CFAP96: variants seen among roughly 807,000 people sequenced by gnomAD.
CFAP96 encodes the protein cilia and flagella associated protein 96, also known as cilia-and flagella-associated protein 96.
At chr4:185,430,209 C>T in the CFAP96 span, among the ~76,000 whole-genome samples, 1 of 152,066 alleles carries the variant, frequency 6.6e-6, no homozygotes, top group African/African-American at 2.4e-5. Context: ...GGGATTTTTA[C>T]AAAAGTCATA....
At chr4:185,416,535 G>T in the CFAP96 span, among the ~76,000 whole-genome samples, 1 of 152,184 alleles carries the variant, frequency 6.6e-6, no homozygotes, top group South Asian at 2.1e-4. Context: ...CTGGGAAAAG[G>T]TCAAGCACTC....
the CFAP96 span, among the ~76,000 whole-genome samples, chr4:185,445,708 T>C: frequency 2.0e-5 from 3 of 152,228 alleles, no homozygotes; most frequent in Admixed American, 2.0e-4. Context: ...AGTTATTCTG[T>C]GTCTAAAGGA....
the CFAP96 span, chr4:185,445,367 G>A: frequency 2.6e-6 from 2 of 777,726 alleles, no homozygotes; most frequent in East Asian, 5.0e-5. Flanking sequence ...ACCATTCTGT[G>A]CATAATTTTT....
At chr4:185,443,921 CTTTTTTTTTTTTTTTTTTTTTTTTT>C in the CFAP96 span, among the ~76,000 whole-genome samples, 226 of 82,840 alleles carry the variant, frequency 2.7e-3, 6 homozygotes, top group Admixed American at 0.017. Context: ...CTATATCTTT[CTTTTTTTTTTTTTTTTTTTTTTTTT>C]TTTTTTTTTT....
chr4:185,438,579 T>C, the CFAP96 span, among the ~76,000 whole-genome samples: 3 of 152,154 alleles, frequency 2.0e-5, no homozygotes, highest in Non-Finnish European at 4.4e-5. Context: ...AGTATGGGGG[T>C]CATATTTTGC....
the CFAP96 span, among the ~76,000 whole-genome samples, chr4:185,434,499 A>T: frequency 6.6e-6 from 1 of 152,108 alleles, no homozygotes; most frequent in African/African-American, 2.4e-5. Flanking sequence ...ATAATTGGAA[A>T]TTGCTACCTT....
chr4:185,445,980 T>G, the CFAP96 span, among the ~76,000 whole-genome samples: 1 of 152,170 alleles, frequency 6.6e-6, no homozygotes, highest in Admixed American at 6.5e-5. Context: ...TAGCTGGGAT[T>G]ACAGGCATGC....
chr4:185,413,683 A>T, the CFAP96 span: 1 of 1,562,974 alleles, frequency 6.4e-7, no homozygotes, highest in South Asian at 1.2e-5. Context: ...AACTAATAAC[A>T]TTACTGATCC....
At chr4:185,433,094 C>A in the CFAP96 span, among the ~76,000 whole-genome samples, 1 of 152,098 alleles carries the variant, frequency 6.6e-6, no homozygotes, top group Admixed American at 6.5e-5. Flanking sequence ...AAGATATACT[C>A]ATGAGGTTTA....
the CFAP96 span, chr4:185,408,523 T>C: frequency 7.5e-7 from 1 of 1,336,048 alleles, no homozygotes; most frequent in Non-Finnish European, 1.0e-6. Flanking sequence ...TTTAATGTTC[T>C]TAGAGTTAGA....
chr4:185,413,973 G>C, the CFAP96 span: 1 of 1,069,220 alleles, frequency 9.4e-7, no homozygotes, highest in Non-Finnish European at 1.3e-6. Flanking sequence ...TTATATATAG[G>C]TTATAAAAGT....
At chr4:185,443,342 A>ATTTTTTTTTTT in the CFAP96 span, among the ~76,000 whole-genome samples, 7 of 26,726 alleles carry the variant, frequency 2.6e-4, no homozygotes, top group African/African-American at 8.1e-4. Flanking sequence ...ATATATATAT[A>ATTTTTTTTTTT]TTTTTTTTTT....
chr4:185,408,471 TTAGGA>T, the CFAP96 span: 41 of 1,595,442 alleles, frequency 2.6e-5, no homozygotes, highest in Middle Eastern at 3.3e-4. Flanking sequence ...AAATATTAAC[TTAGGA>T]TAGAAGTACA....
At chr4:185,430,408 C>T in the CFAP96 span, among the ~76,000 whole-genome samples, 1 of 152,056 alleles carries the variant, frequency 6.6e-6, no homozygotes, top group Admixed American at 6.6e-5. Context: ...CAATGTGATT[C>T]TTCTGAGACA....
the CFAP96 span, chr4:185,415,804 T>C: frequency 1.9e-6 from 3 of 1,613,836 alleles, no homozygotes; most frequent in Non-Finnish European, 2.5e-6. Context: ...CTTTCAATGA[T>C]GGGCGTTACA....
At chr4:185,430,708 G>A in the CFAP96 span, among the ~76,000 whole-genome samples, 1 of 151,518 alleles carries the variant, frequency 6.6e-6, no homozygotes, top group East Asian at 1.9e-4. Context: ...TTCAAGACAA[G>A]CCTGGACAAC....
chr4:185,409,487 G>A, the CFAP96 span, among the ~76,000 whole-genome samples: 5 of 152,132 alleles, frequency 3.3e-5, no homozygotes, highest in South Asian at 6.2e-4. Context: ...ACCATGCCTG[G>A]CTCCAAACTG....
At chr4:185,422,372 A>G in the CFAP96 span, 2 of 797,562 alleles carry the variant, frequency 2.5e-6, no homozygotes, top group Non-Finnish European at 4.1e-6. Context: ...CTTACTAACA[A>G]TATAATCTTA....
the CFAP96 span, among the ~76,000 whole-genome samples, chr4:185,448,241 G>T: frequency 6.6e-6 from 1 of 152,036 alleles, no homozygotes; most frequent in African/African-American, 2.4e-5. Flanking sequence ...GGCTGGTCTC[G>T]AACTCCTGAC....
Sources: allele counts gnomAD v4.1 joint callset (sites outside exome capture counted in the v4.1 genomes callset), GRCh38; gene constraint gnomAD v4.1.1; transcripts MANE v1.5; gene names NCBI Gene and HGNC (gene_info 2026-07-23, HGNC 2026-07-21).